The following SLC12A8 variants were observed in gnomAD, a reference collection of about 807,000 sequenced individuals.
The protein encoded by SLC12A8 is cation-chloride cotransporter 9.
A neutral mutation model predicts 75.6 loss-of-function variants in SLC12A8; 69 were observed. The ratio of observed to expected loss-of-function variants is 0.91; its 90% CI spans 0.75 to 1.11. SLC12A8 has a LOEUF of 1.11. Ranked by LOEUF, SLC12A8 falls within the 50% of genes most tolerant of loss-of-function variation. The probability of loss-of-function intolerance (pLI) is 0.00; values close to 1 mark genes in which losing one functional copy is unlikely to be tolerated. For synonymous variants in SLC12A8, 365 were observed against 372.8 expected (o/e 0.98, Z 0.24); for missense variants, 877 against 896.7 (o/e 0.98, Z 0.28).
At chr3:125,092,954 T>C (rs1258261704) in intron 10 of SLC12A8, among the ~76,000 whole-genome samples, 1 of 152,188 alleles carries the variant, frequency 6.6e-6, no homozygotes, top group African/African-American at 2.4e-5. Flanking sequence ...GTGTACACTG[T>C]AGCCATTAGG....
intron 2 of SLC12A8, 91 bp downstream of exon 2, chr3:125,211,208 G>T (rs2107808358): frequency 9.8e-7 from 1 of 1,024,862 alleles, no homozygotes; most frequent in Non-Finnish European, 1.5e-6. Context: ...ACATCTAAAG[G>T]GTGCGCTGTA....
At chr3:125,084,362 T>C (rs1938405732) in intron 13 of SLC12A8, among the ~76,000 whole-genome samples, 1 of 152,080 alleles carries the variant, frequency 6.6e-6, no homozygotes, top group South Asian at 2.1e-4. Flanking sequence ...TGGTATCATG[T>C]TGGGGCTCTG....
chr3:125,119,008 C>T lies in SLC12A8; in HGVS notation c.825-152G>A, dbSNP rs901721208. 1.6e-5 allele frequency: 9 copies of T among 562,500 alleles called. No individual in the cohort carries two copies. In the African/African-American group the frequency reaches 1.7e-4, roughly 11 times the overall value. 34.8% of individuals were successfully genotyped at this position (562,500 alleles called of 1,614,324 possible). On this transcript the variant is annotated intron_variant, in intron 7 of 13. Transcript: ENST00000469902. ...AGCTTCCCCAGCTGGCTTGGGAGGACACTTTTTGTACTATTTCTCTTCTGG... is the reference window on the plus strand; with the variant it reads ...AGCTTCCCCAGCTGGCTTGGGAGGATACTTTTTGTACTATTTCTCTTCTGG...
chr3:125,155,619 A>G (rs898431481), intron 5 of SLC12A8, among the ~76,000 whole-genome samples: 1 of 28,344 alleles, frequency 3.5e-5, no homozygotes, highest in African/African-American at 6.9e-5. Flanking sequence ...AAAATACAAA[A>G]AAGTAGCTGT....
chr3:125,128,908 G>A (rs1933285784), intron 6 of SLC12A8, among the ~76,000 whole-genome samples: 1 of 152,182 alleles, frequency 6.6e-6, no homozygotes, highest in African/African-American at 2.4e-5. Context: ...GGGGCCTGGA[G>A]ACAGCCAGCC....
chr3:125,186,114 A>G (rs142224499), intron 4 of SLC12A8, among the ~76,000 whole-genome samples: 124 of 151,994 alleles, frequency 8.2e-4, no homozygotes, highest in African/African-American at 2.7e-3. Flanking sequence ...GATTTTGCCT[A>G]CCTTGCAGCC....
At chr3:125,184,190 C>T (rs1934725698) in intron 4 of SLC12A8, among the ~76,000 whole-genome samples, 1 of 152,002 alleles carries the variant, frequency 6.6e-6, no homozygotes, top group South Asian at 2.1e-4. Context: ...AAGCTGGTCT[C>T]GAACTCCTGA....
At chr3:125,097,527 A>ATT (rs1214020842) in intron 10 of SLC12A8, among the ~76,000 whole-genome samples, 5 of 124,010 alleles carry the variant, frequency 4.0e-5, no homozygotes, top group African/African-American at 1.6e-4. Context: ...CCTAAAGGGA[A>ATT]TTGTGTGTGT....
At chr3:125,097,934 A>G (rs1044755417) in intron 10 of SLC12A8, among the ~76,000 whole-genome samples, 1 of 152,218 alleles carries the variant, frequency 6.6e-6, no homozygotes, top group African/African-American at 2.4e-5. Context: ...ACAAGCATGC[A>G]TCGTGCATGT....
At chr3:125,110,154 T>C in intron 9 of SLC12A8, 35 bp downstream of exon 9, 1 of 1,593,482 alleles carries the variant, frequency 6.3e-7, no homozygotes, top group Non-Finnish European at 8.6e-7. Context: ...CAAAACATGT[T>C]TCAAAAAACA....
At position 125,102,887 on chromosome 3, in the gene SLC12A8, G is replaced by A. The variant is rs573888316; in HGVS notation, c.1705+4594C>T. 5.9e-5 allele frequency among the ~76,000 whole-genome samples: 9 copies of A among 152,312 alleles called. No individual in the cohort carries two copies. The South Asian group carries it at 1.9e-3, about 32-fold the overall frequency. On this transcript the variant is annotated intron_variant, in intron 10 of 13. Coordinates refer to ENST00000469902, the MANE Select transcript of SLC12A8 (RefSeq NM_024628.6). ...GAGAGTGAACCCTAGGGCCCCCAGA[G>A]AGGGTGCTGGCAGGGAGCAGCCCAG...
chr3:125,187,153 T>C (rs1166229302), intron 4 of SLC12A8, 84 bp downstream of exon 4: 3 of 1,433,904 alleles, frequency 2.1e-6, no homozygotes, highest in Non-Finnish European at 2.9e-6. Context: ...CCACCCTCGC[T>C]TCTCCCCAGG....
intron 8 of SLC12A8, among the ~76,000 whole-genome samples, chr3:125,117,815 C>T (rs1939349124): frequency 1.3e-5 from 2 of 152,038 alleles, no homozygotes; most frequent in African/African-American, 2.4e-5. Flanking sequence ...TCTAGGATGC[C>T]AAATAAATGT....
chr3:125,202,862 C>A (rs372302862), intron 2 of SLC12A8, among the ~76,000 whole-genome samples: 3 of 151,828 alleles, frequency 2.0e-5, no homozygotes, highest in Non-Finnish European at 2.9e-5. Context: ...CCAAGGCGGG[C>A]GGATCACCTG....
chr3:125,180,388 A>G (rs756712958), intron 4 of SLC12A8, among the ~76,000 whole-genome samples: 4 of 152,218 alleles, frequency 2.6e-5, no homozygotes, highest in Non-Finnish European at 4.4e-5. Context: ...GTAAAGACCT[A>G]GAACAATATC....
At chr3:125,187,774 C>A (rs1288448300) in intron 3 of SLC12A8, among the ~76,000 whole-genome samples, 1 of 144,176 alleles carries the variant, frequency 6.9e-6, no homozygotes, top group Non-Finnish European at 1.5e-5. Context: ...CCTCCTCATG[C>A]TGATTCCCCT....
At chr3:125,182,396 CG>C (rs1385525552) in intron 4 of SLC12A8, among the ~76,000 whole-genome samples, 1 of 151,690 alleles carries the variant, frequency 6.6e-6, no homozygotes. Context: ...TTATACTATA[CG>C]ATATTAAGTA....
At chr3:125,210,186 T>C (rs938840626) in intron 2 of SLC12A8, among the ~76,000 whole-genome samples, 3 of 152,268 alleles carry the variant, frequency 2.0e-5, no homozygotes, top group Admixed American at 2.0e-4. Flanking sequence ...ATCAATCAAC[T>C]AAAATTTACT....
At chr3:125,196,585 A>G (rs747480536) in intron 2 of SLC12A8, among the ~76,000 whole-genome samples, 3 of 152,220 alleles carry the variant, frequency 2.0e-5, no homozygotes, top group Non-Finnish European at 4.4e-5. Flanking sequence ...AGAGACCTAG[A>G]TAGATCACTG....
Sources: allele counts gnomAD v4.1 joint callset (sites outside exome capture counted in the v4.1 genomes callset), GRCh38; gene constraint gnomAD v4.1.1; transcripts MANE v1.5; gene names NCBI Gene and HGNC (gene_info 2026-07-23, HGNC 2026-07-21).